KCNQ1: variants seen among roughly 807,000 people sequenced by gnomAD.
The protein encoded by KCNQ1 is potassium voltage-gated channel subfamily KQT member 1.
In KCNQ1, 49 loss-of-function variants were observed where a neutral mutation model predicts 72.4. The observed-to-expected ratio is 0.68, with a 90% CI of 0.54 to 0.86. The LOEUF (loss-of-function observed/expected upper bound fraction) is 0.86, where lower values mean the gene tolerates loss of function less well. KCNQ1 is among the 40% of genes least tolerant of loss of function. KCNQ1 has a pLI of 0.00. For synonymous variants in KCNQ1, 450 were observed against 412.6 expected, an observed-to-expected ratio of 1.09 and a Z score of -1.10; for missense variants, 790 against 945.1, an observed-to-expected ratio of 0.84 and a Z score of 2.15.
At chr11:2,556,576 A>T (rs1006471013) in intron 2 of KCNQ1, among the ~76,000 whole-genome samples, 1 of 152,192 alleles carries the variant, frequency 6.6e-6, no homozygotes, top group Admixed American at 6.5e-5. Flanking sequence ...GTGGCCTGCA[A>T]AGCCTAAAAT....
Position 2,526,044 on chromosome 11 carries a change from G to A in KCNQ1, c.387-1884G>A, listed in dbSNP as rs985184089. 4.6e-5 allele frequency among the ~76,000 whole-genome samples: 7 copies of A among 152,216 alleles called. No homozygotes were observed. The highest frequency in any genetic ancestry group is 2.1e-4 in the South Asian group (1 of 4,830). The stretch of plus-strand genomic sequence containing the variant: ...GGCCTCTGCCTATGAGACAGGGCCC[G>A]CTGGCAGGACCCTCAAGCTGGGCTT... On this transcript the variant is annotated intron_variant, in intron 1 of 15. Transcript: ENST00000155840. This position sits in a 1 kb window ranked among gnomAD's most constrained non-coding sequence, Gnocchi z 6.1.
In KCNQ1 at chr11:2,679,368, T is replaced by A. The variant is rs1850348097; in HGVS notation, c.1514+17287T>A. 2.5e-6 allele frequency: 1 copy of A among 398,534 alleles called. No individual in the cohort carries two copies. The highest frequency in any genetic ancestry group is 2.1e-5 in the African/African-American group (1 of 48,634). The allele number at this position is 398,534 out of a possible 1,614,324, so 24.7% of individuals were successfully genotyped here. On this transcript the variant is annotated intron_variant, in intron 11 of 15. Transcript: ENST00000155840. This position sits in a 1 kb window ranked among gnomAD's most constrained non-coding sequence, Gnocchi z 4.8. ...TTCTACCTGCTACACCTTGAGTGAG[T>A]CACTTAGTCTCAGTTTCTTTATTTG...
chr11:2,774,922 G>T (rs1846663405), intron 12 of KCNQ1, among the ~76,000 whole-genome samples: 1 of 152,168 alleles, frequency 6.6e-6, no homozygotes, highest in Non-Finnish European at 1.5e-5. Context: ...GACTTGGGCT[G>T]GCCCTGCCCC....
In KCNQ1 at chr11:2,592,010, G is replaced by T. The variant is rs1260117825; in HGVS notation, c.1393+3156G>T. 1.3e-5 allele frequency among the ~76,000 whole-genome samples: 2 copies of T among 152,256 alleles called. No homozygotes were observed. The highest frequency in any genetic ancestry group is 4.8e-5 in the African/African-American group (2 of 41,470). Reference sequence around the variant, plus strand: ...CCCACAGCCCCACTCCCGCAAGGCGGGTACGAACAGCCACACTGAGTCCCC... The same window carrying T: ...CCCACAGCCCCACTCCCGCAAGGCGTGTACGAACAGCCACACTGAGTCCCC... On this transcript the variant is annotated intron_variant, in intron 10 of 15. Transcript: ENST00000155840. The surrounding 1 kb of genome is among the most constrained non-coding windows in gnomAD (Gnocchi z 5.2).
intron 11 of KCNQ1, chr11:2,666,656 A>G: frequency 2.5e-6 from 1 of 398,710 alleles, no homozygotes; most frequent in Non-Finnish European, 4.4e-6. Context: ...CCAAGGGGCT[A>G]GCTCTTTTGA....
chr11:2,445,008 A>T lies in KCNQ1; in HGVS notation c.-91A>T. ...GGCCCCCCGCGGCGGGGCTGGCAGC[A>T]GTGGCTGCCCGCACTGCGCCCGGGC... On this transcript the variant is annotated 5_prime_UTR_variant, in exon 1 of 16. Transcript: ENST00000155840. The T allele has an allele frequency of 2.4e-6, 2 of 846,262 alleles. No individual in the cohort carries two copies. Among genetic ancestry groups the T allele is most frequent in the Non-Finnish European group, 2.9e-6 (2 of 698,852 alleles). 52.4% of individuals were successfully genotyped at this position (846,262 alleles called of 1,614,324 possible).
intron 11 of KCNQ1, chr11:2,692,653 G>A (rs972641378): frequency 1.8e-5 from 7 of 398,556 alleles, no homozygotes; most frequent in African/African-American, 1.2e-4. Flanking sequence ...TCCCCTCAGG[G>A]TGCAAACGGT....
chr11:2,530,726 C>T (rs1006704234), intron 2 of KCNQ1, among the ~76,000 whole-genome samples: 4 of 152,146 alleles, frequency 2.6e-5, no homozygotes, highest in Admixed American at 6.5e-5. Context: ...TGTATCTGAG[C>T]GTGTACATGT....
At chr11:2,452,987 G>A (rs903690286) in intron 1 of KCNQ1, among the ~76,000 whole-genome samples, 7 of 152,166 alleles carry the variant, frequency 4.6e-5, no homozygotes, top group East Asian at 1.9e-4. Context: ...TAAAGAAAGC[G>A]CCTGGAATTC....
intron 11 of KCNQ1, chr11:2,699,725 G>GGTGCCCTGA (rs1850756555): frequency 8.4e-5 from 24 of 284,860 alleles, no homozygotes; most frequent in African/African-American, 1.6e-4. Flanking sequence ...GGAGTCCCCG[G>GGTGCCCTGA]GGAGAACTGC....
At chr11:2,686,616 C>T (rs775737846) in intron 11 of KCNQ1, 8 of 398,546 alleles carry the variant, frequency 2.0e-5, no homozygotes, top group Middle Eastern at 6.2e-4. Context: ...TTCACATGAG[C>T]GTGGCTGCCC....
rs1310222746 is a variant in KCNQ1, at chr11:2,592,720, G to A, written c.1393+3866G>A. Among the ~76,000 whole-genome samples the A allele has an allele frequency of 3.3e-5, 5 of 152,184 alleles. No individual in the cohort carries two copies. The highest frequency in any genetic ancestry group is 4.4e-5 in the Non-Finnish European group (3 of 68,032). On this transcript the variant is annotated intron_variant, in intron 10 of 15. Transcript: ENST00000155840. The surrounding 1 kb of genome is among the most constrained non-coding windows in gnomAD (Gnocchi z 5.2). ...GGCCATTGTCTGTGCCCAGCCTGGG[G>A]AGCCTGACACTCACAGCCCGGCTGC...
intron 2 of KCNQ1, among the ~76,000 whole-genome samples, chr11:2,532,555 G>A (rs1273961778): frequency 6.6e-6 from 1 of 152,228 alleles, no homozygotes; most frequent in African/African-American, 2.4e-5. Context: ...GCCTTGACAG[G>A]CGGATGTACA....
intron 1 of KCNQ1, among the ~76,000 whole-genome samples, chr11:2,465,573 G>A (rs905617761): frequency 3.9e-5 from 6 of 152,206 alleles, no homozygotes; most frequent in African/African-American, 9.6e-5. Context: ...CTCCCTGTCC[G>A]GCCCCTGCCC....
chr11:2,594,627 C>T (rs768397157), intron 10 of KCNQ1, among the ~76,000 whole-genome samples: 1 of 152,168 alleles, frequency 6.6e-6, no homozygotes, highest in Admixed American at 6.5e-5. Flanking sequence ...ATTTTCTATG[C>T]AGTTTCTAAC....
At chr11:2,445,943 G>A (rs1846030788) in intron 1 of KCNQ1, among the ~76,000 whole-genome samples, 1 of 152,178 alleles carries the variant, frequency 6.6e-6, no homozygotes, top group African/African-American at 2.4e-5. Flanking sequence ...GGTGGACTCT[G>A]GGGCAGGGGG....
rs1474301471 is a variant in KCNQ1 at position 2,515,292 on chromosome 11, T to G, written c.387-12636T>G. Among the ~76,000 whole-genome samples, 2 of 152,198 alleles carry G rather than the reference T, an allele frequency of 1.3e-5. No individual in the cohort carries two copies. The highest frequency in any genetic ancestry group is 4.8e-5 in the African/African-American group (2 of 41,442). On this transcript the variant is annotated intron_variant, in intron 1 of 15. Transcript: ENST00000155840. The surrounding 1 kb of genome is among the most constrained non-coding windows in gnomAD (Gnocchi z 4.7). ...AACGTGCCGTGTTTGGTTTTCTGTTTCCGGTAGTTCACTTAGGATCATGGT... is the reference window on the plus strand; with the variant it reads ...AACGTGCCGTGTTTGGTTTTCTGTTGCCGGTAGTTCACTTAGGATCATGGT...
chr11:2,717,184 G>T (rs565466854), intron 11 of KCNQ1, among the ~76,000 whole-genome samples: 1 of 152,160 alleles, frequency 6.6e-6, no homozygotes, highest in Admixed American at 6.5e-5. Flanking sequence ...GCTGCAGTGC[G>T]ACACAGACTG....
At position 2,457,814 on chromosome 11, in the gene KCNQ1, GA is replaced by G. The variant is rs112398913; in HGVS notation, c.386+12344del. On this transcript the variant is annotated intron_variant, in intron 1 of 15. Coordinates refer to ENST00000155840, the MANE Select transcript of KCNQ1 (RefSeq NM_000218.3). This position sits in a 1 kb window ranked among gnomAD's most constrained non-coding sequence, Gnocchi z 5.0. ...TAAAATGGAAACTTTTGGCATGGGA[GA>G]AAAAAAAAAAAAACAGATGTAAGTT... Among the ~76,000 whole-genome samples the G allele has an allele frequency of 0.011, 1,347 of 126,124 alleles. 17 individuals are homozygous for G. Among genetic ancestry groups the G allele is most frequent in the African/African-American group, 0.031 (1,044 of 34,222 alleles). 82.7% of individuals were successfully genotyped at this position (126,124 alleles called of 152,430 possible).
Sources: gnomAD v4.1 joint callset for allele counts (sites outside exome capture counted in the v4.1 genomes callset) on GRCh38, gnomAD v4.1.1 for gene constraint, Gnocchi (gnomAD v3.1) non-coding constraint, MANE v1.5 for transcripts, NCBI Gene and HGNC (gene_info 2026-07-23, HGNC 2026-07-21) for gene names.